The following FLT4 variants were observed in gnomAD, a reference collection of about 807,000 sequenced individuals.
The protein encoded by FLT4 is fms related receptor tyrosine kinase 4.
In FLT4, 30 loss-of-function variants were observed where a neutral mutation model predicts 163.2. The observed-to-expected ratio is 0.18, with a 90% confidence interval of 0.14 to 0.25. FLT4 has a LOEUF of 0.25. Ranked by LOEUF, FLT4 falls within the 10% of genes least tolerant of loss-of-function variation. The pLI is 1.00. For synonymous variants in FLT4, 884 were observed against 789.5 expected (o/e 1.12, Z -2.01); for missense variants, 1,510 against 1,863.8 (o/e 0.81, Z 3.50).
At chr5:180,629,138 G>A (rs1561736337) in intron 7 of FLT4, 121 bp downstream of exon 7, 1 of 1,462,756 alleles carries the variant, frequency 6.8e-7, no homozygotes, top group Admixed American at 1.7e-5. Flanking sequence ...TGCAGGAGCT[G>A]GGCAGCTCCT....
chr5:180,644,067 T>G (rs1200415432), intron 1 of FLT4, among the ~76,000 whole-genome samples: 1 of 152,214 alleles, frequency 6.6e-6, no homozygotes, highest in Non-Finnish European at 1.5e-5. Context: ...TCCGCCCGCC[T>G]TGGCCTCCCG....
At chr5:180,606,916 C>CAAAA (rs146958861) in intron 29 of FLT4, among the ~76,000 whole-genome samples, 31,087 of 138,812 alleles carry the variant, frequency 0.22, 3,739 homozygotes, top group South Asian at 0.34. Context: ...AAAAAAAAAA[C>CAAAA]AAACAAACAA....
rs1218869899 is a variant in FLT4, at chr5:180,620,066, G to A, written c.2542+107C>T. On this transcript the variant is annotated intron_variant, in intron 17 of 29. Coordinates refer to ENST00000261937, the MANE Select transcript of FLT4 (RefSeq NM_182925.5). The surrounding 1 kb of genome is among the most constrained non-coding windows in gnomAD (Gnocchi z 4.4). The stretch of plus-strand genomic sequence containing the variant: ...CCCACAGGGACAGGTCAGGCCAGGC[G>A]GAACTTCCTGGTGCAAGTTTTGAAA... 5.7e-6 allele frequency: 8 copies of A among 1,400,450 alleles called. No homozygotes were observed. In the South Asian group the frequency reaches 8.9e-5, roughly 16 times the overall value. 86.8% of individuals were successfully genotyped at this position (1,400,450 alleles called of 1,614,324 possible). A position where few individuals can be genotyped will look rare whatever the true frequency, so the allele number is the denominator to read the frequency against.
In FLT4 at chr5:180,649,534, G is replaced by A. The variant is rs1219969850; in HGVS notation, c.12C>T (p.Gly4=). 2.1e-6 allele frequency: 3 copies of A among 1,439,958 alleles called. No individual in the cohort carries two copies. In the South Asian group the frequency reaches 4.0e-5, roughly 19 times the overall value. The allele number at this position is 1,439,958 out of a possible 1,614,324, so 89.2% of individuals were successfully genotyped here. A position where few individuals can be genotyped will look rare whatever the true frequency, so the allele number is the denominator to read the frequency against. The change falls in exon 1 of 30, where the codon GGC becomes GGT. Residue 4 remains glycine, a synonymous_variant. Coordinates refer to ENST00000261937, the MANE Select transcript of FLT4 (RefSeq NM_182925.5). MQR[G]AALCLRLWLC... ...GCCACAGTCGCAGGCACAGCGCGGC[G>A]CCCCGCTGCATCTCCGGCCGCTGCG...
intron 1 of FLT4, 106 bp from the exon 2 acceptor site, chr5:180,631,884 C>A: frequency 1.3e-6 from 1 of 788,324 alleles, no homozygotes. Context: ...CCTGCAGGGC[C>A]GGAGCAGCTC....
rs1765644399 is a variant in FLT4 at position 180,649,501 on chromosome 5, C to G, written c.45G>C (p.Leu15=). ...AALCLRLWLC[L]GLLDGLVSGY... ...CGCCGCGCTCACCGTCCAGGAGTCC[C>G]AGGCAGAGCCACAGTCGCAGGCACA... The change falls in exon 1 of 30, where the codon CTG becomes CTC. Residue 15 remains leucine (L), a synonymous_variant. Transcript: ENST00000261937. 6.9e-7 allele frequency: 1 copy of G among 1,459,766 alleles called. No homozygotes were observed. The allele number at this position is 1,459,766 out of a possible 1,614,324, so 90.4% of individuals were successfully genotyped here.
chr5:180,638,139 G>A (rs575476768), intron 1 of FLT4, among the ~76,000 whole-genome samples: 161 of 152,252 alleles, frequency 1.1e-3, no homozygotes, highest in Middle Eastern at 6.8e-3. Flanking sequence ...GGCCACCGCC[G>A]TCTCTCTGGA....
rs1763156471 is a variant in FLT4 at position 180,621,660 on chromosome 5, G to A, written c.1902C>T (p.Ala634=). 6.2e-7 allele frequency: 1 copy of A among 1,609,648 alleles called. No individual in the cohort carries two copies. The highest frequency in any genetic ancestry group is 8.5e-7 in the Non-Finnish European group (1 of 1,177,480). The change falls in exon 13 of 30, where the codon GCC becomes GCT. Residue 634 remains alanine, a synonymous_variant. Transcript: ENST00000261937. The part of the protein sequence containing the change: ...LEEVAPGARH[A]TLSLSIPRVA... The stretch of plus-strand genomic sequence containing the variant: ...CGCGGGGGATACTCAGGCTGAGCGT[G>A]GCGTGGCGCGCCCCAGGTGCCACCT...
At chr5:180,635,849 A>C (rs1419044744) in intron 1 of FLT4, among the ~76,000 whole-genome samples, 1 of 127,864 alleles carries the variant, frequency 7.8e-6, no homozygotes, top group African/African-American at 3.1e-5. Flanking sequence ...GGATGCATGG[A>C]TGGAAGTATG....
intron 29 of FLT4, 25 bp downstream of exon 29, chr5:180,608,943 T>C (rs1330737122): frequency 1.9e-6 from 3 of 1,589,938 alleles, no homozygotes; most frequent in Non-Finnish European, 2.6e-6. Context: ...ATACCTGCAG[T>C]GCAGGAGGCT....
chr5:180,626,116 A>G lies in FLT4; in HGVS notation c.1253T>C (p.Val418Ala). ...LRRNISLELVVNVPPQIHEKE... is the reference protein window; with the variant it reads ...LRRNISLELVANVPPQIHEKE... ...CTCTCCCGTCCCTGACCTACCATTC[A>G]CCACCAGCTCCAGGCTGATGTTGCG... Residue 418 changes from valine (V) to alanine (A), a missense_variant, in exon 9 of 30, where the codon GTG becomes GCG. Coordinates refer to ENST00000261937, the MANE Select transcript of FLT4 (RefSeq NM_182925.5). The G allele has an allele frequency of 3.1e-6, 5 of 1,612,748 alleles. No homozygotes were observed. The highest frequency in any genetic ancestry group is 4.2e-6 in the Non-Finnish European group (5 of 1,180,000).
chr5:180,640,183 G>T (rs79523792), intron 1 of FLT4, among the ~76,000 whole-genome samples: 2,390 of 152,272 alleles, frequency 0.016, 64 homozygotes, highest in African/African-American at 0.053. Flanking sequence ...CGTCCCATGG[G>T]TTAGGCACTA....
At chr5:180,648,233 G>A (rs929250110) in intron 1 of FLT4, among the ~76,000 whole-genome samples, 2 of 152,140 alleles carry the variant, frequency 1.3e-5, no homozygotes, top group African/African-American at 2.4e-5. Context: ...TGCCCGACTC[G>A]GAGGCCCAGA....
chr5:180,613,220 C>G (rs1404435660), intron 24 of FLT4, 110 bp from the exon 25 acceptor site: 15 of 727,426 alleles, frequency 2.1e-5, no homozygotes, highest in Non-Finnish European at 3.2e-5. Flanking sequence ...CGTCCTGTCC[C>G]TTTCCCCATC....
intron 1 of FLT4, among the ~76,000 whole-genome samples, chr5:180,641,325 G>A (rs560772826): frequency 6.6e-6 from 1 of 152,238 alleles, no homozygotes; most frequent in Admixed American, 6.5e-5. Flanking sequence ...GATGGCACTG[G>A]GATTATCCAT....
intron 29 of FLT4, chr5:180,607,837 G>T: frequency 2.0e-6 from 1 of 506,324 alleles, no homozygotes. Flanking sequence ...CACAGGGTCA[G>T]GTGCTGAAGG....
In FLT4 at chr5:180,621,568, C is replaced by T. The variant is rs1763148641; in HGVS notation, c.1994G>A (p.Cys665Tyr). Residue 665 changes from cysteine (C) to tyrosine (Y), a missense_variant, in exon 13 of 30, where the codon TGC (cysteine) becomes TAC (tyrosine). Around this residue, in one of 5 missense-constraint regions of FLT4, gnomAD observed 878 missense variants for 1,016.7 expected, o/e 0.86. Coordinates refer to ENST00000261937, the MANE Select transcript of FLT4 (RefSeq NM_182925.5). ...CTGCACCGACAGGTACTTCTTGTGG[C>T]AGTGCTTGTCATGGCTGCGCCGGTC... ...VQDRRSHDKH[C>Y]HKKYLSVQAL... 1 of 1,612,096 alleles carries T rather than the reference C, an allele frequency of 6.2e-7. No individual in the cohort carries two copies. Among genetic ancestry groups the T allele is most frequent in the Non-Finnish European group, 8.5e-7 (1 of 1,179,502 alleles).
chr5:180,616,330 C>T (rs55657009), intron 23 of FLT4, 37 bp downstream of exon 23: 40 of 1,613,280 alleles, frequency 2.5e-5, no homozygotes, highest in African/African-American at 9.3e-5. Flanking sequence ...TCACCTGTTC[C>T]GCCCCACGTT....
At chr5:180,613,404 T>A in intron 24 of FLT4, 1 of 392,806 alleles carries the variant, frequency 2.5e-6, no homozygotes, top group Non-Finnish European at 4.6e-6. Flanking sequence ...GGTTACTGGA[T>A]CATCAGCGGC....
Sources: allele counts gnomAD v4.1 joint callset (sites outside exome capture counted in the v4.1 genomes callset), GRCh38; gene constraint gnomAD v4.1.1; regional missense constraint gnomAD v4.1.1; non-coding constraint Gnocchi (gnomAD v3.1); transcripts MANE v1.5; gene names NCBI Gene and HGNC (gene_info 2026-07-23, HGNC 2026-07-21).